The following GCN1 variants were observed in gnomAD, a reference collection of about 807,000 sequenced individuals.
GCN1 encodes stalled ribosome sensor GCN1.
Under a neutral mutation model 288.4 loss-of-function variants are expected in GCN1, and 90 were observed. The ratio of observed to expected loss-of-function variants is 0.31; its 90% CI spans 0.26 to 0.37. The LOEUF is 0.37. Ranked by LOEUF, GCN1 falls within the 10% of genes least tolerant of loss-of-function variation. GCN1 has a pLI of 1.00. For missense variants in GCN1, 2,586 were observed against 3,419.9 expected (o/e 0.76, Z 6.08); for synonymous variants, 1,386 against 1,420.2 (o/e 0.98, Z 0.54).
chr12:120,167,811 T>C lies in GCN1; in HGVS notation c.1612+397A>G, dbSNP rs77605914. Among the ~76,000 whole-genome samples, 529 of 152,134 alleles carry C rather than the reference T, an allele frequency of 3.5e-3. 3 individuals carry two copies. The highest frequency in any genetic ancestry group is 0.012 in the African/African-American group (512 of 41,490). On this transcript the variant is annotated intron_variant, in intron 16 of 57. Transcript: ENST00000300648. Reference sequence around the variant, plus strand: ...AGAATATTAAACACATATTTAAAATTCAACTGTTCCTTTTCTGCCAGGATA... The same window carrying C: ...AGAATATTAAACACATATTTAAAATCCAACTGTTCCTTTTCTGCCAGGATA...
intron 7 of GCN1, 86 bp downstream of exon 7, chr12:120,178,539 C>A (rs1424467819): frequency 3.6e-6 from 5 of 1,383,894 alleles, no homozygotes; most frequent in Non-Finnish European, 5.1e-6. Flanking sequence ...GTCACCAGGG[C>A]AAAGCAGGTT....
intron 56 of GCN1, 70 bp downstream of exon 56, chr12:120,130,576 G>C (rs562129953): frequency 1.0e-6 from 1 of 990,706 alleles, no homozygotes; most frequent in Non-Finnish European, 1.6e-6. Context: ...CACTGCTGGT[G>C]GTCTCTGATC....
chr12:120,163,113 T>C lies in GCN1; in HGVS notation c.1995A>G (p.Gln665=), dbSNP rs191623625. 66 of 1,614,234 alleles carry C rather than the reference T, an allele frequency of 4.1e-5. No individual in the cohort carries two copies. In the East Asian group the frequency reaches 1.4e-3, roughly 34 times the overall value. Residue 665 remains glutamine, a synonymous_variant, in exon 19 of 58, where the codon CAA becomes CAG. Transcript: ENST00000300648. ...GLKGDVTDTE[Q]LAQEMLIISH... is the part of the protein sequence containing the mutation. ...AGATGATCAGCATTTCCTGGGCCAG[T>C]TGTTCAGTGTCGGTGACATCACCCT...
At chr12:120,170,498 A>G (rs751598310) in intron 14 of GCN1, among the ~76,000 whole-genome samples, 177 bp from the exon 15 acceptor site, 6 of 152,214 alleles carry the variant, frequency 3.9e-5, no homozygotes, top group African/African-American at 7.2e-5. Flanking sequence ...CTACAGCCAC[A>G]AAATTAGAGG....
At chr12:120,135,549 G>C (rs1283907354) in intron 51 of GCN1, among the ~76,000 whole-genome samples, 2 of 152,094 alleles carry the variant, frequency 1.3e-5, no homozygotes, top group East Asian at 1.9e-4. Context: ...TTTCAGTAGA[G>C]ACAGGGTTTC....
rs544434380 is a variant in GCN1 at position 120,136,646 on chromosome 12, G to A, written c.6864C>T (p.Gly2288=). Residue 2288 remains glycine (G), a synonymous_variant, in exon 51 of 58, where the codon GGC becomes GGT. Coordinates refer to ENST00000300648, the MANE Select transcript of GCN1 (RefSeq NM_006836.2). ...CAGCCGAGGTCAGGCGGATTACCAA[G>A]CCTAAGGCTTTGGCTGCCTCCTCCT... ...EQKEEAAKAL[G]LVIRLTSADA... The A allele has an allele frequency of 3.1e-6, 5 of 1,614,168 alleles. No homozygotes were observed. In the Admixed American group the frequency reaches 6.7e-5, roughly 22 times the overall value.
At chr12:120,162,376 TG>T in intron 20 of GCN1, 2 of 404,372 alleles carry the variant, frequency 4.9e-6, no homozygotes, top group Non-Finnish European at 9.1e-6. Context: ...GGTGCAGAGA[TG>T]AGCATGGCAC....
chr12:120,168,280 A>G lies in GCN1; in HGVS notation c.1540T>C (p.Trp514Arg). 1 of 1,607,010 alleles carries G rather than the reference A, an allele frequency of 6.2e-7. No homozygotes were observed. The highest frequency in any genetic ancestry group is 8.5e-7 in the Non-Finnish European group (1 of 1,173,442). ...TTTTTCTCATCCACAATCAACTGCC[A>G]GAAACTGCTCAGTTTGGCCTCTGCA... ...SQAEAKLSSF[W>R]QLIVDEKKQV... The change falls in exon 16 of 58, where the codon TGG becomes CGG. Residue 514 changes from tryptophan (W) to arginine (R), a missense_variant. Transcript: ENST00000300648.
intron 15 of GCN1, among the ~76,000 whole-genome samples, chr12:120,169,813 G>T (rs1156290990): frequency 6.6e-6 from 1 of 152,208 alleles, no homozygotes; most frequent in Non-Finnish European, 1.5e-5. Flanking sequence ...ACGGCTACGG[G>T]AAAAGACAGG....
chr12:120,131,399 C>CT, intron 54 of GCN1, 66 bp from the exon 55 acceptor site: 3 of 1,497,596 alleles, frequency 2.0e-6, no homozygotes, highest in Non-Finnish European at 2.8e-6. Flanking sequence ...CCCATGAGGC[C>CT]CATGGGCCCA....
intron 22 of GCN1, 73 bp downstream of exon 22, chr12:120,161,417 C>T: frequency 1.1e-6 from 1 of 898,248 alleles, no homozygotes; most frequent in Admixed American, 1.7e-5. Flanking sequence ...AGCATATGTG[C>T]AGTGGGAAAA....
intron 11 of GCN1, 125 bp from the exon 12 acceptor site, chr12:120,175,337 G>A: frequency 2.2e-6 from 2 of 922,718 alleles, no homozygotes; most frequent in Non-Finnish European, 3.5e-6. Context: ...TTTGTGTTGT[G>A]AAGCTGGGTT....
At chr12:120,149,851 C>T in intron 35 of GCN1, 71 bp downstream of exon 35, 1 of 1,587,744 alleles carries the variant, frequency 6.3e-7, no homozygotes, top group Non-Finnish European at 8.6e-7. Context: ...TGTGCCAAGG[C>T]CTGCAGACAC....
intron 14 of GCN1, 44 bp from the exon 15 acceptor site, chr12:120,170,365 G>C: frequency 6.4e-7 from 1 of 1,565,996 alleles, no homozygotes; most frequent in East Asian, 2.3e-5. Context: ...CCTGATCCTT[G>C]GAAATGACAG....
chr12:120,171,777 G>T (rs767576606), intron 14 of GCN1, among the ~76,000 whole-genome samples: 2 of 152,214 alleles, frequency 1.3e-5, no homozygotes, highest in Non-Finnish European at 2.9e-5. Flanking sequence ...ACTAGCTCAA[G>T]CTGAAGAGAC....
At chr12:120,135,320 T>C (rs138050775) in intron 51 of GCN1, among the ~76,000 whole-genome samples, 394 of 152,232 alleles carry the variant, frequency 2.6e-3, no homozygotes, top group African/African-American at 8.2e-3. Flanking sequence ...ACACTTTTGA[T>C]ACAATACAGG....
chr12:120,177,403 G>T, intron 9 of GCN1, 44 bp downstream of exon 9: 1 of 942,084 alleles, frequency 1.1e-6, no homozygotes, highest in South Asian at 1.3e-5. Flanking sequence ...TAGAGATATA[G>T]GCAACTCATC....
chr12:120,129,606 T>C (rs1019468299), intron 56 of GCN1, 112 bp from the exon 57 acceptor site: 4 of 768,068 alleles, frequency 5.2e-6, no homozygotes, highest in Non-Finnish European at 9.0e-6. Context: ...TGACCCCCCC[T>C]GCTCCTGTGG....
intron 5 of GCN1, among the ~76,000 whole-genome samples, chr12:120,183,184 T>C (rs528408019): frequency 1.3e-5 from 2 of 152,284 alleles, no homozygotes; most frequent in South Asian, 4.1e-4. Context: ...ACACAGGGAA[T>C]GGAATGATCA....
Sources: gnomAD v4.1 joint callset for allele counts (sites outside exome capture counted in the v4.1 genomes callset) on GRCh38, gnomAD v4.1.1 for gene constraint, MANE v1.5 for transcripts, NCBI Gene and HGNC (gene_info 2026-07-23, HGNC 2026-07-21) for gene names.